NTM: variants seen among roughly 807,000 people sequenced by gnomAD.
NTM encodes the protein neurotrimin.
In NTM, 13 loss-of-function variants were observed where a neutral mutation model predicts 42.1. The observed-to-expected ratio is 0.31, with a 90% CI of 0.20 to 0.49. The LOEUF (loss-of-function observed/expected upper bound fraction) is 0.49, where lower values mean the gene tolerates loss of function less well. NTM is among the 20% of genes least tolerant of loss of function. NTM has a pLI of 0.99. For missense variants in NTM, 373 were observed against 452.8 expected (o/e 0.82, Z 1.60); for synonymous variants, 187 against 179.2 (o/e 1.04, Z -0.35).
intron 1 of NTM, among the ~76,000 whole-genome samples, chr11:131,426,939 A>G (rs1281798977): frequency 6.6e-6 from 1 of 152,104 alleles, no homozygotes; most frequent in Non-Finnish European, 1.5e-5. Flanking sequence ...AGATGCTGTC[A>G]TTCTATTATC....
At chr11:131,701,231 G>A (rs1470012799) in intron 1 of NTM, among the ~76,000 whole-genome samples, 1 of 152,182 alleles carries the variant, frequency 6.6e-6, no homozygotes, top group Non-Finnish European at 1.5e-5. Context: ...ACTTGGGCAA[G>A]TTGGTGAATC....
intron 2 of NTM, among the ~76,000 whole-genome samples, chr11:131,932,402 CA>C (rs2058725675): frequency 6.6e-6 from 1 of 152,076 alleles, no homozygotes; most frequent in Admixed American, 6.6e-5. Flanking sequence ...GAAGAAACAT[CA>C]GGAAAAAGGT....
chr11:131,847,298 T>G (rs2045026340), intron 1 of NTM, among the ~76,000 whole-genome samples: 1 of 152,094 alleles, frequency 6.6e-6, no homozygotes, highest in Non-Finnish European at 1.5e-5. Context: ...TACATAAGTT[T>G]CAATTCTTAT....
At chr11:132,040,679 A>G (rs1487547635) in intron 2 of NTM, among the ~76,000 whole-genome samples, 1 of 152,206 alleles carries the variant, frequency 6.6e-6, no homozygotes, top group African/African-American at 2.4e-5. Flanking sequence ...AGGACAGTCT[A>G]TTATAACACT....
intron 1 of NTM, among the ~76,000 whole-genome samples, chr11:131,614,936 G>A (rs938617098): frequency 1.2e-4 from 18 of 152,136 alleles, no homozygotes; most frequent in African/African-American, 2.4e-4. Flanking sequence ...TGGCTGGCTC[G>A]CCAAGCTCAT....
intron 1 of NTM, among the ~76,000 whole-genome samples, chr11:131,417,309 G>A (rs1947056689): frequency 6.6e-6 from 1 of 152,188 alleles, no homozygotes; most frequent in Non-Finnish European, 1.5e-5. Context: ...AAAATACCAT[G>A]TTGGACTCAG....
chr11:131,592,655 C>CACACACACAA (rs1179994690), intron 1 of NTM, among the ~76,000 whole-genome samples: 12 of 106,198 alleles, frequency 1.1e-4, no homozygotes, highest in African/African-American at 6.5e-4. Context: ...CAAACACACA[C>CACACACACAA]ACACACACAC....
intron 2 of NTM, among the ~76,000 whole-genome samples, chr11:131,976,452 T>G (rs2064395484): frequency 1.3e-5 from 2 of 152,158 alleles, no homozygotes; most frequent in South Asian, 4.1e-4. Flanking sequence ...TCTTCCCACT[T>G]TCAATCATAA....
At chr11:131,797,906 A>C (rs762350462) in intron 1 of NTM, among the ~76,000 whole-genome samples, 2 of 152,144 alleles carry the variant, frequency 1.3e-5, no homozygotes, top group Non-Finnish European at 2.9e-5. Context: ...AAATAATTCC[A>C]ATTGTGCACA....
intron 1 of NTM, among the ~76,000 whole-genome samples, chr11:131,664,651 A>G (rs2068680722): frequency 1.3e-5 from 2 of 151,838 alleles, no homozygotes; most frequent in Admixed American, 6.6e-5. Flanking sequence ...TGATAATTTT[A>G]GTAAAATAAA....
chr11:131,389,500 C>G (rs1302488934), intron 1 of NTM, among the ~76,000 whole-genome samples: 1 of 152,208 alleles, frequency 6.6e-6, no homozygotes, highest in Non-Finnish European at 1.5e-5. Context: ...TTCTCTAGAC[C>G]TGCAGACTGG....
intron 1 of NTM, among the ~76,000 whole-genome samples, chr11:131,440,577 G>A (rs951979919): frequency 3.3e-5 from 5 of 152,026 alleles, no homozygotes; most frequent in African/African-American, 1.2e-4. Flanking sequence ...TTCTGATTCT[G>A]TAGGTCTTGG....
chr11:131,413,883 C>T (rs560425995), intron 1 of NTM, among the ~76,000 whole-genome samples: 33 of 151,248 alleles, frequency 2.2e-4, no homozygotes, highest in South Asian at 4.2e-4. Context: ...GCAGGGGAGA[C>T]GAGGAGGGCA....
At chr11:132,293,684 T>A (rs1372250007) in intron 4 of NTM, among the ~76,000 whole-genome samples, 1 of 151,806 alleles carries the variant, frequency 6.6e-6, no homozygotes, top group African/African-American at 2.4e-5. Context: ...AGGTTTTTTT[T>A]TTTTCTTTTT....
At chr11:131,984,517 T>G (rs1377736552) in intron 2 of NTM, 1 of 152,242 alleles carries the variant, frequency 6.6e-6, no homozygotes, top group African/African-American at 2.4e-5. Context: ...CGTCACACAC[T>G]GGATAGTTCT....
chr11:132,146,453 C>T lies in NTM; in HGVS notation c.339C>T (p.Tyr113=). 6.2e-7 allele frequency: 1 copy of T among 1,614,204 alleles called. No homozygotes were observed. The highest frequency in any genetic ancestry group is 1.1e-5 in the South Asian group (1 of 91,082). ...TGGATGTGTATGACGAGGGCCCTTA[C>T]ACCTGCTCGGTGCAGACAGACAACC... is the stretch of plus-strand genomic sequence containing the variant. ...QNVDVYDEGP[Y]TCSVQTDNHP... Residue 113 remains tyrosine, a synonymous_variant, in exon 3 of 9, where the codon TAC becomes TAT. Coordinates refer to ENST00000683400, the MANE Select transcript of NTM (RefSeq NM_001352005.2). The surrounding 1 kb of genome is among the most constrained non-coding windows in gnomAD (Gnocchi z 4.5).
At chr11:131,734,020 T>C (rs2080083241) in intron 1 of NTM, among the ~76,000 whole-genome samples, 1 of 152,244 alleles carries the variant, frequency 6.6e-6, no homozygotes, top group Non-Finnish European at 1.5e-5. Flanking sequence ...GAATAACTTA[T>C]TGACAAACAA....
chr11:132,091,916 T>C (rs187194671), intron 2 of NTM, among the ~76,000 whole-genome samples: 20 of 152,208 alleles, frequency 1.3e-4, no homozygotes, highest in African/African-American at 4.6e-4. Context: ...AACAGATGAA[T>C]AAATAAATTA....
intron 1 of NTM, among the ~76,000 whole-genome samples, chr11:131,787,797 C>T (rs1352085122): frequency 6.6e-6 from 1 of 152,208 alleles, no homozygotes; most frequent in Non-Finnish European, 1.5e-5. Flanking sequence ...CCCTTCTGGT[C>T]CTCGTGCCTA....
Sources: gnomAD v4.1 joint callset for allele counts (sites outside exome capture counted in the v4.1 genomes callset) on GRCh38, gnomAD v4.1.1 for gene constraint, Gnocchi (gnomAD v3.1) non-coding constraint, MANE v1.5 for transcripts, NCBI Gene and HGNC (gene_info 2026-07-23, HGNC 2026-07-21) for gene names.